The following FAM168A variants were observed in gnomAD, a reference collection of about 807,000 sequenced individuals.
The protein encoded by FAM168A is protein FAM168A.
In FAM168A, 3 loss-of-function variants were observed where a neutral mutation model predicts 28.5. That is an observed-to-expected ratio of 0.11 (90% confidence interval 0.05 to 0.27). The LOEUF (loss-of-function observed/expected upper bound fraction) is 0.27, where lower values mean the gene tolerates loss of function less well. FAM168A is among the 10% of genes least tolerant of loss of function. The pLI is 1.00. For synonymous variants in FAM168A, 122 were observed against 124.2 expected, an observed-to-expected ratio of 0.98 and a Z score of 0.12; for missense variants, 222 against 311.5, an observed-to-expected ratio of 0.71 and a Z score of 2.16.
intron 2 of FAM168A, 29 bp downstream of exon 2, chr11:73,468,376 A>C (rs1438054910): frequency 1.9e-6 from 3 of 1,607,332 alleles, no homozygotes; most frequent in Non-Finnish European, 2.6e-6. Flanking sequence ...ACCATTTCTC[A>C]AAATGAGAGC....
chr11:73,443,880 T>A (rs1419114830), intron 2 of FAM168A, among the ~76,000 whole-genome samples: 3 of 152,216 alleles, frequency 2.0e-5, no homozygotes, highest in Non-Finnish European at 4.4e-5. Context: ...TGTATCTGCA[T>A]GTGGGCCGGC....
In FAM168A at chr11:73,561,094, C is replaced by T. The variant is rs531602395; in HGVS notation, c.-19+36829G>A. Among the ~76,000 whole-genome samples, 287 of 146,864 alleles carry T rather than the reference C, an allele frequency of 2.0e-3. 2 individuals carry two copies. The highest frequency in any genetic ancestry group is 2.9e-3 in the Non-Finnish European group (192 of 67,076). ...AAAAACAAAAAACAAAAAGACCGGG[C>T]GCGGTGGCGGTGGCTCATGCCTGTA... is the stretch of plus-strand genomic sequence containing the variant. On this transcript the variant is annotated intron_variant, in intron 1 of 7. Coordinates refer to ENST00000356467, the MANE Select transcript of FAM168A (RefSeq NM_015159.3).
intron 2 of FAM168A, among the ~76,000 whole-genome samples, chr11:73,435,676 G>T (rs751792601): frequency 1.3e-5 from 2 of 152,120 alleles, no homozygotes; most frequent in Non-Finnish European, 2.9e-5. Flanking sequence ...GGTCAGGTAT[G>T]GTGGCTCACA....
intron 1 of FAM168A, among the ~76,000 whole-genome samples, chr11:73,481,876 T>C (rs1383328287): frequency 6.6e-6 from 1 of 152,224 alleles, no homozygotes; most frequent in Admixed American, 6.5e-5. Context: ...TCATAAAGGC[T>C]CTGCCGTCAT....
At chr11:73,539,461 G>A (rs991693771) in intron 1 of FAM168A, among the ~76,000 whole-genome samples, 1 of 152,048 alleles carries the variant, frequency 6.6e-6, no homozygotes, top group Non-Finnish European at 1.5e-5. Flanking sequence ...AGTACAGATG[G>A]GGTTTTACTG....
chr11:73,539,319 G>A (rs1231971899), intron 1 of FAM168A, among the ~76,000 whole-genome samples: 3 of 151,666 alleles, frequency 2.0e-5, no homozygotes, highest in African/African-American at 7.3e-5. Flanking sequence ...GCCCAGGCTG[G>A]AGTGCAGTGG....
At chr11:73,541,993 A>C (rs1414339858) in intron 1 of FAM168A, among the ~76,000 whole-genome samples, 1 of 152,164 alleles carries the variant, frequency 6.6e-6, no homozygotes, top group Non-Finnish European at 1.5e-5. Flanking sequence ...TACCCAACAC[A>C]GATTACCTGA....
intron 1 of FAM168A, among the ~76,000 whole-genome samples, chr11:73,489,510 C>CT (rs56910886): frequency 0.035 from 4,844 of 139,844 alleles, 242 homozygotes; most frequent in African/African-American, 0.11. Flanking sequence ...CCATCCCCCA[C>CT]TTTTTTTTTT....
intron 1 of FAM168A, among the ~76,000 whole-genome samples, chr11:73,515,817 T>C (rs1287190477): frequency 6.6e-6 from 1 of 152,012 alleles, no homozygotes; most frequent in Non-Finnish European, 1.5e-5. Flanking sequence ...GTCTTAAGAA[T>C]CAGAATCTTC....
chr11:73,476,135 A>C (rs1034361526), intron 1 of FAM168A, among the ~76,000 whole-genome samples: 1 of 152,116 alleles, frequency 6.6e-6, no homozygotes, highest in Non-Finnish European at 1.5e-5. Context: ...GGACATAACA[A>C]AACTAAAAGT....
At chr11:73,480,106 A>G (rs1867947471) in intron 1 of FAM168A, among the ~76,000 whole-genome samples, 2 of 152,174 alleles carry the variant, frequency 1.3e-5, no homozygotes, top group Non-Finnish European at 2.9e-5. Context: ...AAATGCTTCA[A>G]TTTAAAAATG....
intron 1 of FAM168A, among the ~76,000 whole-genome samples, chr11:73,516,591 A>T (rs1943306687): frequency 6.6e-6 from 1 of 152,218 alleles, no homozygotes; most frequent in Non-Finnish European, 1.5e-5. Context: ...TTACTTTTAA[A>T]TGTAGAGTCC....
intron 1 of FAM168A, among the ~76,000 whole-genome samples, chr11:73,518,461 C>T (rs1396214932): frequency 6.6e-6 from 1 of 150,706 alleles, no homozygotes; most frequent in Non-Finnish European, 1.5e-5. Context: ...AATCTGATCC[C>T]CAGTGTTGGA....
chr11:73,518,539 G>A (rs967036503), intron 1 of FAM168A, among the ~76,000 whole-genome samples: 2 of 151,904 alleles, frequency 1.3e-5, no homozygotes, highest in Admixed American at 1.3e-4. Flanking sequence ...AATGTGGGGA[G>A]GGGGCGTGGA....
chr11:73,531,963 C>A (rs571659612), intron 1 of FAM168A, among the ~76,000 whole-genome samples: 1 of 150,430 alleles, frequency 6.6e-6, no homozygotes, highest in Non-Finnish European at 1.5e-5. Context: ...CACCATCATG[C>A]CTGGCTAATT....
intron 1 of FAM168A, among the ~76,000 whole-genome samples, chr11:73,557,525 T>C (rs1268313140): frequency 6.6e-6 from 1 of 152,176 alleles, no homozygotes; most frequent in African/African-American, 2.4e-5. Context: ...CCACCATCTC[T>C]GGCCAAAATT....
chr11:73,562,245 G>C (rs1477331726), intron 1 of FAM168A, among the ~76,000 whole-genome samples: 1 of 152,142 alleles, frequency 6.6e-6, no homozygotes, highest in African/African-American at 2.4e-5. Flanking sequence ...CCAGCCTACA[G>C]GGGAATATTT....
At chr11:73,425,352 A>G (rs1385536917) in intron 3 of FAM168A, among the ~76,000 whole-genome samples, 1 of 152,224 alleles carries the variant, frequency 6.6e-6, no homozygotes, top group African/African-American at 2.4e-5. Context: ...ATAAGAATAC[A>G]TTTCAGTTCT....
In FAM168A at chr11:73,495,954, C is replaced by G. The variant is rs1350846058; in HGVS notation, c.-18-27462G>C. On this transcript the variant is annotated intron_variant, in intron 1 of 7. Coordinates refer to ENST00000356467, the MANE Select transcript of FAM168A (RefSeq NM_015159.3). Reference sequence around the variant, plus strand: ...TTCAAAAGAATTTAAAACAGGATCTCAAAGAGATATTTGCACACCCATGTT... The same window carrying G: ...TTCAAAAGAATTTAAAACAGGATCTGAAAGAGATATTTGCACACCCATGTT... 2.6e-5 allele frequency among the ~76,000 whole-genome samples: 4 copies of G among 152,134 alleles called. No individual in the cohort carries two copies. The East Asian group carries it at 7.7e-4, about 29-fold the overall frequency.
Sources: allele counts gnomAD v4.1 joint callset (sites outside exome capture counted in the v4.1 genomes callset), GRCh38; gene constraint gnomAD v4.1.1; transcripts MANE v1.5; gene names NCBI Gene and HGNC (gene_info 2026-07-23, HGNC 2026-07-21).